Variants in DGCR8 observed in about 807,000 individuals in gnomAD.
DGCR8 encodes microprocessor complex subunit DGCR8.
A neutral mutation model predicts 78.5 loss-of-function variants in DGCR8; 14 were observed. That is an observed-to-expected ratio of 0.18 (90% CI 0.12 to 0.28). The LOEUF is 0.28. Among genes scored for constraint, DGCR8 ranks in the 10% least tolerant of loss-of-function variants. The pLI is 1.00. For synonymous variants in DGCR8, 399 were observed against 402.4 expected (o/e 0.99, Z 0.10); for missense variants, 702 against 1,022.5 (o/e 0.69, Z 4.28).
In DGCR8 at chr22:20,085,867, G is replaced by T; in HGVS notation, c.-97G>T. The T allele has an allele frequency of 1.3e-6, 2 of 1,499,448 alleles. No individual in the cohort carries two copies. Among genetic ancestry groups the T allele is most frequent in the Non-Finnish European group, 1.8e-6 (2 of 1,131,936 alleles). 92.9% of individuals were successfully genotyped at this position (1,499,448 alleles called of 1,614,324 possible). A position where few individuals can be genotyped will look rare whatever the true frequency, so the allele number is the denominator to read the frequency against. On this transcript the variant is annotated 5_prime_UTR_variant, in exon 2 of 14. Transcript: ENST00000351989. The surrounding 1 kb of genome is among the most constrained non-coding windows in gnomAD (Gnocchi z 6.2). The stretch of plus-strand genomic sequence containing the variant: ...GCCAGCGCACAGCGCGGCAGGACGC[G>T]CCCGGGTCTCAGCGGACTTGTGCAT...
intron 1 of DGCR8, among the ~76,000 whole-genome samples, chr22:20,083,044 G>C (rs1908610773): frequency 6.6e-6 from 1 of 152,078 alleles, no homozygotes; most frequent in Admixed American, 6.5e-5. Flanking sequence ...CACTGCCCCA[G>C]CTGGCCACAC....
rs994769941 is a variant in DGCR8, at chr22:20,111,545, T to G, written c.*1437T>G. The G allele has an allele frequency of 1.3e-5, 5 of 397,638 alleles. 1 individual carries two copies. In the South Asian group the frequency reaches 7.1e-4, roughly 56 times the overall value. The allele number at this position is 397,638 out of a possible 1,614,324, so 24.6% of individuals were successfully genotyped here. Reference sequence around the variant, plus strand: ...CTTGCCTCCTGTCTGCAGCTGTGAATAGTCATTTGACTGTGACTGTTGCCC... The same window carrying G: ...CTTGCCTCCTGTCTGCAGCTGTGAAGAGTCATTTGACTGTGACTGTTGCCC... On this transcript the variant is annotated 3_prime_UTR_variant, in exon 14 of 14. Transcript: ENST00000351989.
intron 5 of DGCR8, among the ~76,000 whole-genome samples, chr22:20,090,748 CTT>C (rs2049546906): frequency 6.6e-6 from 1 of 152,340 alleles, no homozygotes; most frequent in East Asian, 1.9e-4. Flanking sequence ...TCTTCCATGT[CTT>C]TTAGCCTAGT....
chr22:20,091,701 G>T lies in DGCR8; in HGVS notation c.1504+69G>T. ...TTATTTCTAATGTGATGTGTTGAGG[G>T]CATGTTTTATGAGTTGCATTTCGTT... On this transcript the variant is annotated intron_variant, in intron 6 of 13. Coordinates refer to ENST00000351989, the MANE Select transcript of DGCR8 (RefSeq NM_022720.7). The T allele has an allele frequency of 1.9e-6, 3 of 1,578,232 alleles. No individual in the cohort carries two copies. In the South Asian group the frequency reaches 3.3e-5, roughly 18 times the overall value.
chr22:20,082,084 T>G (rs1172110045), intron 1 of DGCR8, among the ~76,000 whole-genome samples: 7 of 150,214 alleles, frequency 4.7e-5, no homozygotes, highest in African/African-American at 1.7e-4. Context: ...TGAGACAGAA[T>G]CTCGCTCTGT....
intron 3 of DGCR8, among the ~76,000 whole-genome samples, chr22:20,088,106 G>A (rs2049510152): frequency 6.6e-6 from 1 of 152,176 alleles, no homozygotes; most frequent in African/African-American, 2.4e-5. Context: ...TGGGAGCAAA[G>A]CAAGGGGCGG....
At chr22:20,108,677 C>T (rs1054607183) in intron 12 of DGCR8, 19 of 415,702 alleles carry the variant, frequency 4.6e-5, no homozygotes, top group African/African-American at 2.8e-4. Flanking sequence ...CAGCTATGGA[C>T]TGCCCCTCGC....
At chr22:20,095,706 A>G (rs1423448942) in intron 9 of DGCR8, among the ~76,000 whole-genome samples, 1 of 152,170 alleles carries the variant, frequency 6.6e-6, no homozygotes, top group Non-Finnish European at 1.5e-5. Flanking sequence ...TGACTCAAGC[A>G]CATCACATTT....
intron 9 of DGCR8, 39 bp downstream of exon 9, chr22:20,094,834 G>T (rs1482517529): frequency 6.3e-7 from 1 of 1,580,654 alleles, no homozygotes; most frequent in Non-Finnish European, 8.7e-7. Flanking sequence ...AGCTGTGTGT[G>T]CAGTGCGGCT....
At chr22:20,107,963 T>A in intron 12 of DGCR8, 1 of 156,030 alleles carries the variant, frequency 6.4e-6, no homozygotes, top group Non-Finnish European at 1.4e-5. Context: ...ACAGAAACTC[T>A]CTGGGTTCTT....
In DGCR8 at chr22:20,087,242, T is replaced by C. The variant is rs768707242; in HGVS notation, c.801T>C (p.Tyr267=). Residue 267 remains tyrosine (Y), a synonymous_variant, in exon 3 of 14, where the codon TAT becomes TAC. Coordinates refer to ENST00000351989, the MANE Select transcript of DGCR8 (RefSeq NM_022720.7). This position sits in a 1 kb window ranked among gnomAD's most constrained non-coding sequence, Gnocchi z 4.1. ...APKKRRTEEK[Y]GGDSDHPSDG... The stretch of plus-strand genomic sequence containing the variant: ...AAAAGAGGCGAACAGAGGAAAAATA[T>C]GGCGGAGACAGCGACCATCCGTCCG... 13 of 1,613,838 alleles carry C rather than the reference T, an allele frequency of 8.1e-6. No homozygotes were observed. The South Asian group carries it at 8.8e-5, about 11-fold the overall frequency.
intron 9 of DGCR8, among the ~76,000 whole-genome samples, chr22:20,102,684 G>A (rs747746112): frequency 4.6e-5 from 7 of 152,214 alleles, no homozygotes; most frequent in Non-Finnish European, 7.3e-5. Context: ...CTTTCGAGCT[G>A]TGTGTCCTTT....
intron 5 of DGCR8, 82 bp downstream of exon 5, chr22:20,090,340 T>C (rs2073779): frequency 0.036 from 52,969 of 1,457,378 alleles, 1,341 homozygotes; most frequent in East Asian, 0.096. Flanking sequence ...TAATTGTTCA[T>C]AGTTCCTAGT....
chr22:20,091,317 G>A, intron 5 of DGCR8, 118 bp from the exon 6 acceptor site: 1 of 990,692 alleles, frequency 1.0e-6, no homozygotes, highest in Non-Finnish European at 1.5e-6. Flanking sequence ...CCCTTTGAAA[G>A]GGACGGGGAA....
intron 9 of DGCR8, chr22:20,096,335 C>T (rs1335674609): frequency 2.4e-6 from 1 of 417,122 alleles, no homozygotes; most frequent in Non-Finnish European, 3.2e-6. Context: ...GCCTTGGTAT[C>T]TCAGGGGTGG....
chr22:20,087,103 C>A lies in DGCR8; in HGVS notation c.721-59C>A. On this transcript the variant is annotated intron_variant, in intron 2 of 13. Transcript: ENST00000351989. This position sits in a 1 kb window ranked among gnomAD's most constrained non-coding sequence, Gnocchi z 4.1. ...CTGTTCTCAGGAATGCTGTTGAGCT[C>A]TCCTGTTGCAGGAGCATGAGCGCCA... The A allele has an allele frequency of 1.3e-6, 2 of 1,554,322 alleles. No homozygotes were observed. The highest frequency in any genetic ancestry group is 1.7e-6 in the Non-Finnish European group (2 of 1,146,910).
At chr22:20,082,036 G>GATTCTTCTT (rs1485902472) in intron 1 of DGCR8, among the ~76,000 whole-genome samples, 2 of 150,968 alleles carry the variant, frequency 1.3e-5, no homozygotes, top group African/African-American at 4.9e-5. Flanking sequence ...GACACAGAGT[G>GATTCTTCTT]ATTCTTCTTT....
In DGCR8 at chr22:20,108,880, T is replaced by TA. The variant is rs2049802093; in HGVS notation, c.2125-9dup. On this transcript the variant is annotated splice_polypyrimidine_tract_variant and intron_variant, in intron 12 of 13. Coordinates refer to ENST00000351989, the MANE Select transcript of DGCR8 (RefSeq NM_022720.7). ...CTGCAGTCCTGAGCGTGAGGTGCTA[T>TA]ACTTCCCAGGAGACATCGGACAAGA... 1.3e-6 allele frequency: 2 copies of TA among 1,483,384 alleles called. No homozygotes were observed. The highest frequency in any genetic ancestry group is 2.3e-5 in the South Asian group (2 of 88,338). 91.9% of individuals were successfully genotyped at this position (1,483,384 alleles called of 1,614,324 possible).
Position 20,086,767 on chromosome 22 carries a change from G to A in DGCR8, c.720+84G>A, listed in dbSNP as rs1208382630. ...AATTGCAGCATCTTTTGAAAGCAGGGAAATTAAAAAAAAAAAAAACAAAAA... is the reference window on the plus strand; with the variant it reads ...AATTGCAGCATCTTTTGAAAGCAGGAAAATTAAAAAAAAAAAAAACAAAAA... On this transcript the variant is annotated intron_variant, in intron 2 of 13. Coordinates refer to ENST00000351989, the MANE Select transcript of DGCR8 (RefSeq NM_022720.7). This position sits in a 1 kb window ranked among gnomAD's most constrained non-coding sequence, Gnocchi z 6.4. The A allele has an allele frequency of 8.8e-5, 117 of 1,331,666 alleles. No individual in the cohort carries two copies. Among genetic ancestry groups the A allele is most frequent in the Non-Finnish European group, 1.0e-4 (102 of 998,140 alleles). The allele number at this position is 1,331,666 out of a possible 1,614,324, so 82.5% of individuals were successfully genotyped here. A position where few individuals can be genotyped will look rare whatever the true frequency, so the allele number is the denominator to read the frequency against.
Sources: allele counts gnomAD v4.1 joint callset (sites outside exome capture counted in the v4.1 genomes callset), GRCh38; gene constraint gnomAD v4.1.1; non-coding constraint Gnocchi (gnomAD v3.1); transcripts MANE v1.5; gene names NCBI Gene and HGNC (gene_info 2026-07-23, HGNC 2026-07-21).